MCM8: variants seen among roughly 807,000 people sequenced by gnomAD.
MCM8 encodes the protein minichromosome maintenance 8 homologous recombination repair factor.
In MCM8, 85 loss-of-function variants were observed where a neutral mutation model predicts 98.9. That is an observed-to-expected ratio of 0.86 (90% CI 0.72 to 1.03). The LOEUF (loss-of-function observed/expected upper bound fraction) is 1.03, where lower values mean the gene tolerates loss of function less well. Among genes scored for constraint, MCM8 ranks in the 50% least tolerant of loss-of-function variants. MCM8 has a pLI of 0.00. For synonymous variants in MCM8, 352 were observed against 338.6 expected, an observed-to-expected ratio of 1.04 and a Z score of -0.44; for missense variants, 951 against 997.8, an observed-to-expected ratio of 0.95 and a Z score of 0.63.
At position 5,994,784 on chromosome 20, in the gene MCM8, C is replaced by T. The variant is rs939357349; in HGVS notation, c.*393C>T. On this transcript the variant is annotated 3_prime_UTR_variant, in exon 19 of 19. Coordinates refer to ENST00000610722, the MANE Select transcript of MCM8 (RefSeq NM_032485.6). ...CTTAGCTGGGTATGGTGGCACATGC[C>T]TATAGTCTCAGCTACTTGTGAGGCT... The T allele has an allele frequency of 9.0e-6, 4 of 443,480 alleles. No individual in the cohort carries two copies. Among genetic ancestry groups the T allele is most frequent in the African/African-American group, 2.0e-5 (1 of 49,022 alleles). 27.5% of individuals were successfully genotyped at this position (443,480 alleles called of 1,614,324 possible).
chr20:5,986,537 A>G (rs2089738450), intron 16 of MCM8, among the ~76,000 whole-genome samples: 1 of 152,218 alleles, frequency 6.6e-6, no homozygotes, highest in Admixed American at 6.5e-5. Flanking sequence ...TGTTTTTAAC[A>G]GCAGTAATAT....
chr20:5,986,892 T>C (rs1157512183), intron 16 of MCM8, among the ~76,000 whole-genome samples: 1 of 152,210 alleles, frequency 6.6e-6, no homozygotes, highest in Non-Finnish European at 1.5e-5. Context: ...AGTGGCATGA[T>C]CAAGCCTCAT....
intron 17 of MCM8, among the ~76,000 whole-genome samples, chr20:5,987,858 G>A (rs985441332): frequency 3.9e-5 from 6 of 152,108 alleles, no homozygotes; most frequent in African/African-American, 1.2e-4. Flanking sequence ...AATGTTCTAC[G>A]TAAGATACTT....
At chr20:5,952,654 A>G in intron 3 of MCM8, 126 bp downstream of exon 3, 1 of 769,270 alleles carries the variant, frequency 1.3e-6, no homozygotes, top group East Asian at 2.7e-5. Flanking sequence ...AGTTCACCCA[A>G]ACAATTAAAT....
intron 3 of MCM8, among the ~76,000 whole-genome samples, chr20:5,953,215 A>G (rs928595167): frequency 2.6e-5 from 4 of 152,194 alleles, no homozygotes; most frequent in African/African-American, 9.7e-5. Context: ...AATCTGAGAC[A>G]TGTAGGGTAC....
intron 6 of MCM8, among the ~76,000 whole-genome samples, chr20:5,957,744 A>C (rs950083903): frequency 6.6e-6 from 1 of 152,208 alleles, no homozygotes; most frequent in Non-Finnish European, 1.5e-5. Flanking sequence ...CTCAGTCTGT[A>C]ATACACTAAG....
intron 12 of MCM8, among the ~76,000 whole-genome samples, chr20:5,973,660 A>G (rs1213928874): frequency 6.6e-6 from 1 of 151,868 alleles, no homozygotes; most frequent in Non-Finnish European, 1.5e-5. Context: ...AAATCAAGGC[A>G]ACCTTTTTTT....
chr20:5,975,422 C>T (rs560711614), intron 12 of MCM8, among the ~76,000 whole-genome samples: 1 of 151,694 alleles, frequency 6.6e-6, no homozygotes, highest in Non-Finnish European at 1.5e-5. Context: ...GTTTTAACCC[C>T]TAGAGTGTCT....
chr20:5,960,151 C>T (rs1231715180), intron 7 of MCM8, among the ~76,000 whole-genome samples: 1 of 152,086 alleles, frequency 6.6e-6, no homozygotes, highest in East Asian at 1.9e-4. Flanking sequence ...AATAATACTG[C>T]ATTTATAATG....
chr20:5,982,012 A>T (rs531886820), intron 13 of MCM8, among the ~76,000 whole-genome samples: 22 of 152,350 alleles, frequency 1.4e-4, no homozygotes, highest in African/African-American at 5.3e-4. Flanking sequence ...GAGATAGAGA[A>T]CAAAGGAAAT....
intron 10 of MCM8, among the ~76,000 whole-genome samples, chr20:5,970,598 T>C (rs892185666): frequency 7.9e-5 from 12 of 152,200 alleles, no homozygotes; most frequent in Non-Finnish European, 1.2e-4. Context: ...GAAAGGTCTT[T>C]GGCAGACAGG....
chr20:5,985,001 G>C lies in MCM8; in HGVS notation c.1953+1G>C, dbSNP rs775156125. ...GAAGCCATTATCAGAAAGACTAAAGGTATAAATGTTTCTTCTCCTTATTCA... is the reference window on the plus strand; with the variant it reads ...GAAGCCATTATCAGAAAGACTAAAGCTATAAATGTTTCTTCTCCTTATTCA... On this transcript the variant is annotated splice_donor_variant, in intron 15 of 18. Transcript: ENST00000610722. LOFTEE classifies it high-confidence loss of function. The C allele has an allele frequency of 8.7e-6, 14 of 1,609,658 alleles. No homozygotes were observed. Among genetic ancestry groups the C allele is most frequent in the African/African-American group, 4.0e-5 (3 of 74,800 alleles).
At chr20:5,976,700 G>T (rs2089518743) in intron 12 of MCM8, among the ~76,000 whole-genome samples, 1 of 152,214 alleles carries the variant, frequency 6.6e-6, no homozygotes, top group Non-Finnish European at 1.5e-5. Flanking sequence ...TCATCAACAG[G>T]TGCATTCCTG....
At chr20:5,978,584 GAC>G (rs2089564273) in intron 13 of MCM8, among the ~76,000 whole-genome samples, 1 of 151,588 alleles carries the variant, frequency 6.6e-6, no homozygotes, top group African/African-American at 2.4e-5. Flanking sequence ...CTTTTTATGA[GAC>G]AGAGTCTTGC....
chr20:5,984,266 C>A (rs577245703), intron 14 of MCM8, among the ~76,000 whole-genome samples: 8 of 152,162 alleles, frequency 5.3e-5, no homozygotes, highest in African/African-American at 1.9e-4. Context: ...TAGAAACAGT[C>A]TTTGATACAT....
intron 10 of MCM8, among the ~76,000 whole-genome samples, chr20:5,971,362 C>T (rs1421069142): frequency 6.6e-6 from 1 of 152,204 alleles, no homozygotes; most frequent in Non-Finnish European, 1.5e-5. Flanking sequence ...TCTCTACAAC[C>T]TCTTGCATCC....
chr20:5,972,784 A>G, intron 11 of MCM8: 14 of 1,388,560 alleles, frequency 1.0e-5, no homozygotes, highest in Non-Finnish European at 1.2e-5. Flanking sequence ...AAAAACAAAT[A>G]TTTCTCGTTT....
intron 12 of MCM8, among the ~76,000 whole-genome samples, chr20:5,973,993 C>G (rs1228641397): frequency 1.3e-5 from 2 of 152,104 alleles, no homozygotes; most frequent in Non-Finnish European, 2.9e-5. Flanking sequence ...ATTTGTAGAT[C>G]CCCAAGAAAA....
At chr20:5,953,438 G>GGTGGGTGT (rs951273748) in intron 3 of MCM8, among the ~76,000 whole-genome samples, 2 of 146,190 alleles carry the variant, frequency 1.4e-5, no homozygotes, top group South Asian at 2.2e-4. Flanking sequence ...TCTCATGAGG[G>GGTGGGTGT]GTGTGTGTGT....
Sources: allele counts gnomAD v4.1 joint callset (sites outside exome capture counted in the v4.1 genomes callset), GRCh38; gene constraint gnomAD v4.1.1; transcripts MANE v1.5; gene names NCBI Gene and HGNC (gene_info 2026-07-23, HGNC 2026-07-21).